CD5: variants seen among roughly 807,000 people sequenced by gnomAD.
The protein encoded by CD5 is CD5 molecule.
A neutral mutation model predicts 60.3 loss-of-function variants in CD5; 36 were observed. The observed-to-expected ratio is 0.60, with a 90% CI of 0.46 to 0.79. The LOEUF (loss-of-function observed/expected upper bound fraction) is 0.79. Among genes scored for constraint, CD5 ranks in the 30% least tolerant of loss-of-function variants. CD5 has a pLI of 0.00. For missense variants in CD5, 540 were observed against 630.6 expected (o/e 0.86, Z 1.54); for synonymous variants, 230 against 257.6 (o/e 0.89, Z 1.03).
chr11:61,094,652 C>G, the CD5 span, among the ~76,000 whole-genome samples: 6 of 151,776 alleles, frequency 4.0e-5, no homozygotes, highest in African/African-American at 1.5e-4. Flanking sequence ...TGTGTGTGTG[C>G]CCTTTTTACC....
chr11:61,109,588 G>A (rs1344015265), intron 1 of CD5, among the ~76,000 whole-genome samples: 4 of 152,094 alleles, frequency 2.6e-5, no homozygotes, highest in Non-Finnish European at 4.4e-5. Flanking sequence ...ATGGGATGCC[G>A]TAATGAGAGC....
At position 61,118,053 on chromosome 11, in the gene CD5, C is replaced by T. The variant is rs1465566794; in HGVS notation, c.95-122C>T. On this transcript the variant is annotated intron_variant, in intron 2 of 10. Coordinates refer to ENST00000347785, the MANE Select transcript of CD5 (RefSeq NM_014207.4). This position sits in a 1 kb window ranked among gnomAD's most constrained non-coding sequence, Gnocchi z 4.7. The stretch of plus-strand genomic sequence containing the variant: ...CAGAAGGGACGAAGCTCACAAGGGG[C>T]AAGGCAGGCAGCCCACGGGGCAGGA... The T allele has an allele frequency of 1.9e-6, 2 of 1,029,176 alleles. No individual in the cohort carries two copies. Among genetic ancestry groups the T allele is most frequent in the African/African-American group, 3.2e-5 (2 of 62,658 alleles). 63.8% of individuals were successfully genotyped at this position (1,029,176 alleles called of 1,614,324 possible).
upstream of CD5, among the ~76,000 whole-genome samples, chr11:61,099,136 G>T (rs1054629179): frequency 6.6e-6 from 1 of 152,198 alleles, no homozygotes; most frequent in African/African-American, 2.4e-5. Flanking sequence ...CTTCAAGGGG[G>T]ATGATTCCAG....
In CD5 at chr11:61,127,618, A is replaced by C. The variant is rs1424972315; in HGVS notation, c.*1333A>C. The stretch of plus-strand genomic sequence containing the variant: ...CCCCCGACCATGCTGGGAATCCAGA[A>C]ACAGGGACCCCATTTGTCTTCCCAT... On this transcript the variant is annotated 3_prime_UTR_variant, in exon 11 of 11. Transcript: ENST00000347785. 6.6e-6 allele frequency: 1 copy of C among 152,228 alleles called. No individual in the cohort carries two copies. Among genetic ancestry groups the C allele is most frequent in the Non-Finnish European group, 1.5e-5 (1 of 68,044 alleles). 9.4% of individuals were successfully genotyped at this position (152,228 alleles called of 1,614,324 possible). A position where few individuals can be genotyped will look rare whatever the true frequency, so the allele number is the denominator to read the frequency against.
chr11:61,102,571 G>A lies in CD5; in HGVS notation c.11G>A (p.Gly4Glu). 1 of 1,588,700 alleles carries A rather than the reference G, an allele frequency of 6.3e-7. No individual in the cohort carries two copies. The highest frequency in any genetic ancestry group is 8.6e-7 in the Non-Finnish European group (1 of 1,166,904). MPM[G>E]SLQPLATLYL... ...AGAAGGCCAGAAACCATGCCCATGG[G>A]GTCTCTGCAACCGCTGGCCACCTTG... The change falls in exon 1 of 11, where the codon GGG becomes GAG. Residue 4 changes from glycine to glutamate, a missense_variant. By Grantham distance (98) the Gly-to-Glu change is moderately conservative. Coordinates refer to ENST00000347785, the MANE Select transcript of CD5 (RefSeq NM_014207.4).
chr11:61,096,664 A>G, the CD5 span, among the ~76,000 whole-genome samples: 1 of 152,254 alleles, frequency 6.6e-6, no homozygotes, highest in Non-Finnish European at 1.5e-5. Context: ...GGCTCTTTAC[A>G]GCTAAAGTTA....
chr11:61,117,207 A>T (rs1324120829), intron 2 of CD5, among the ~76,000 whole-genome samples: 4 of 152,254 alleles, frequency 2.6e-5, no homozygotes, highest in Admixed American at 2.6e-4. Context: ...GCTAAGCGAA[A>T]AAAGCCAAAT....
chr11:61,120,397 C>T (rs962602810), intron 5 of CD5, among the ~76,000 whole-genome samples: 1 of 152,038 alleles, frequency 6.6e-6, no homozygotes, highest in Non-Finnish European at 1.5e-5. Context: ...TTTCACATGG[C>T]CTTAGGAGGT....
intron 2 of CD5, 78 bp downstream of exon 2, chr11:61,115,172 T>G: frequency 7.5e-7 from 1 of 1,339,984 alleles, no homozygotes; most frequent in Non-Finnish European, 1.0e-6. Flanking sequence ...ATCGGGGACC[T>G]CTCGATGAAG....
intron 9 of CD5, 97 bp downstream of exon 9, chr11:61,125,248 A>G: frequency 7.2e-7 from 1 of 1,383,174 alleles, no homozygotes; most frequent in East Asian, 2.4e-5. Context: ...TGATGGCCCA[A>G]AGACAGAATG....
At position 61,127,487 on chromosome 11, in the gene CD5, G is replaced by GGT. The variant is rs1367480713; in HGVS notation, c.*1204_*1205dup. On this transcript the variant is annotated 3_prime_UTR_variant, in exon 11 of 11. Transcript: ENST00000347785. ...GCAAAAGGGAGTTACTAGGATATGGGGTGGGCTGCTCCCAGAATCTGCTCA... is the reference window on the plus strand; with the variant it reads ...GCAAAAGGGAGTTACTAGGATATGGGGTGTGGGCTGCTCCCAGAATCTGCTCA... 6.6e-6 allele frequency: 1 copy of GGT among 152,416 alleles called. No homozygotes were observed. Among genetic ancestry groups the GGT allele is most frequent in the Middle Eastern group, 3.4e-3 (1 of 298 alleles). The allele number at this position is 152,416 out of a possible 1,614,324, so 9.4% of individuals were successfully genotyped here. A position where few individuals can be genotyped will look rare whatever the true frequency, so the allele number is the denominator to read the frequency against.
chr11:61,108,456 C>T (rs1039453115), intron 1 of CD5, among the ~76,000 whole-genome samples: 10 of 152,146 alleles, frequency 6.6e-5, no homozygotes, highest in African/African-American at 2.2e-4. Flanking sequence ...ACATAAAAGC[C>T]GCCTAATCAT....
chr11:61,102,139 C>T (rs150394641), upstream of CD5, among the ~76,000 whole-genome samples: 673 of 152,340 alleles, frequency 4.4e-3, 4 homozygotes, highest in African/African-American at 0.016. Flanking sequence ...CGCCTCTCCC[C>T]ACCCAGACCC....
upstream of CD5, among the ~76,000 whole-genome samples, chr11:61,100,849 ACATT>A (rs761774830): frequency 5.7e-5 from 8 of 139,892 alleles, no homozygotes; most frequent in Admixed American, 5.6e-4. Context: ...CATGGAGATC[ACATT>A]CACACACATC....
intron 2 of CD5, among the ~76,000 whole-genome samples, chr11:61,116,756 ACAC>A (rs1590771567): frequency 8.8e-6 from 1 of 113,660 alleles, no homozygotes; most frequent in East Asian, 3.0e-4. Flanking sequence ...CACCACACAC[ACAC>A]CACACACACC....
chr11:61,097,526 C>G (rs1260403646), upstream of CD5, among the ~76,000 whole-genome samples: 1 of 152,130 alleles, frequency 6.6e-6, no homozygotes, highest in East Asian at 1.9e-4. Context: ...CGGAGTCCCA[C>G]CAGGACTGGA....
intron 1 of CD5, among the ~76,000 whole-genome samples, chr11:61,103,641 T>C (rs1460757660): frequency 2.5e-5 from 2 of 78,972 alleles, no homozygotes; most frequent in Non-Finnish European, 5.1e-5. Flanking sequence ...GTGTGAGAAC[T>C]GTGTTGGGGG....
In CD5 at chr11:61,123,234, A is replaced by G. The variant is rs568377511; in HGVS notation, c.1225+202A>G. On this transcript the variant is annotated intron_variant, in intron 7 of 10. Transcript: ENST00000347785. ...GAAACACAAAGTAAACAAAATTGCA[A>G]TTGCTGATTTGTCCATCTCTGGAGC... 4.6e-5 allele frequency among the ~76,000 whole-genome samples: 7 copies of G among 152,174 alleles called. No homozygotes were observed. In the East Asian group the frequency reaches 1.2e-3, roughly 25 times the overall value.
At chr11:61,112,452 T>C (rs998166675) in intron 1 of CD5, among the ~76,000 whole-genome samples, 3 of 152,132 alleles carry the variant, frequency 2.0e-5, no homozygotes, top group African/African-American at 7.2e-5. Context: ...AAGACCAGCC[T>C]GGCCAACATG....
Sources: allele counts gnomAD v4.1 joint callset (sites outside exome capture counted in the v4.1 genomes callset), GRCh38; gene constraint gnomAD v4.1.1; non-coding constraint Gnocchi (gnomAD v3.1); transcripts MANE v1.5; gene names NCBI Gene and HGNC (gene_info 2026-07-23, HGNC 2026-07-21).